Variants in TDRD7 observed in about 807,000 individuals in gnomAD.
The protein encoded by TDRD7 is tudor domain-containing protein 7.
Under a neutral mutation model 109.8 loss-of-function variants are expected in TDRD7, and 47 were observed. The observed-to-expected ratio is 0.43, with a 90% CI of 0.34 to 0.55. TDRD7 has a LOEUF of 0.55. Among genes scored for constraint, TDRD7 ranks in the 20% least tolerant of loss-of-function variants. The pLI is 0.03. For synonymous variants in TDRD7, 424 were observed against 457.3 expected (o/e 0.93, Z 0.93); for missense variants, 1,164 against 1,319.2 (o/e 0.88, Z 1.82).
chr9:97,465,755 G>A (rs1828812916), intron 8 of TDRD7, among the ~76,000 whole-genome samples: 1 of 152,138 alleles, frequency 6.6e-6, no homozygotes, highest in African/African-American at 2.4e-5. Flanking sequence ...GGTGGAAGCT[G>A]TGTGTCTATT....
At chr9:97,432,919 T>A (rs1828130134) in intron 4 of TDRD7, among the ~76,000 whole-genome samples, 1 of 152,212 alleles carries the variant, frequency 6.6e-6, no homozygotes, top group Non-Finnish European at 1.5e-5. Flanking sequence ...ATGGCCATTT[T>A]GCTTTGTTTG....
At chr9:97,465,582 A>G (rs1828810119) in intron 8 of TDRD7, among the ~76,000 whole-genome samples, 1 of 152,204 alleles carries the variant, frequency 6.6e-6, no homozygotes, top group East Asian at 1.9e-4. Context: ...TTGCCTCTTC[A>G]TACTGTCAAT....
At chr9:97,451,743 G>C (rs559269984) in intron 6 of TDRD7, among the ~76,000 whole-genome samples, 1 of 152,252 alleles carries the variant, frequency 6.6e-6, no homozygotes, top group South Asian at 2.1e-4. Context: ...TGTCTGAAGA[G>C]GAGACAGTCT....
intron 16 of TDRD7, among the ~76,000 whole-genome samples, chr9:97,491,443 C>T (rs1326389826): frequency 1.3e-5 from 2 of 152,102 alleles, no homozygotes; most frequent in Non-Finnish European, 2.9e-5. Context: ...TTTTTCCTTC[C>T]ATATCACTTG....
chr9:97,441,919 C>T (rs1482800912), intron 6 of TDRD7, 44 bp downstream of exon 6: 2 of 1,527,864 alleles, frequency 1.3e-6, no homozygotes, highest in South Asian at 1.1e-5. Flanking sequence ...TCCTCCCTGC[C>T]CAACTTTGAG....
At chr9:97,473,455 T>C in intron 10 of TDRD7, 37 bp from the exon 11 acceptor site, 1 of 1,612,998 alleles carries the variant, frequency 6.2e-7, no homozygotes, top group Non-Finnish European at 8.5e-7. Flanking sequence ...TGCATTCTGC[T>C]CTCAAGCATT....
chr9:97,456,989 C>G (rs1360360719), intron 6 of TDRD7, among the ~76,000 whole-genome samples: 1 of 151,932 alleles, frequency 6.6e-6, no homozygotes, highest in Non-Finnish European at 1.5e-5. Context: ...AAAAACAACC[C>G]CATCAAAAAG....
In TDRD7 at chr9:97,476,863, ATTGAT is replaced by A. The variant is rs1002807822; in HGVS notation, c.2166+1397_2166+1401del. Among the ~76,000 whole-genome samples, 4 of 152,252 alleles carry A rather than the reference ATTGAT, an allele frequency of 2.6e-5. No homozygotes were observed. The South Asian group carries it at 8.3e-4, about 32-fold the overall frequency. On this transcript the variant is annotated intron_variant, in intron 12 of 16. Transcript: ENST00000355295. ...AGCAACATTTTGATAACTTAATTGA[ATTGAT>A]TTTTTTCATTATTTAAATAAAACTT... is the stretch of plus-strand genomic sequence containing the variant.
At chr9:97,429,508 G>A (rs1386454705) in intron 2 of TDRD7, among the ~76,000 whole-genome samples, 1 of 152,202 alleles carries the variant, frequency 6.6e-6, no homozygotes. Flanking sequence ...TTTCTATATG[G>A]GGGGATGAGG....
chr9:97,442,903 C>T (rs959876717), intron 6 of TDRD7, among the ~76,000 whole-genome samples: 2 of 152,068 alleles, frequency 1.3e-5, no homozygotes, highest in Non-Finnish European at 2.9e-5. Flanking sequence ...TCAGGTGGTT[C>T]TCCTGCCTCA....
chr9:97,447,560 A>C (rs1440239930), intron 6 of TDRD7, among the ~76,000 whole-genome samples: 2 of 152,214 alleles, frequency 1.3e-5, no homozygotes, highest in Non-Finnish European at 2.9e-5. Context: ...AAAGCTAAAG[A>C]GGGAAAAACA....
intron 4 of TDRD7, among the ~76,000 whole-genome samples, chr9:97,435,397 A>G (rs1223855176): frequency 6.6e-6 from 1 of 151,676 alleles, no homozygotes; most frequent in East Asian, 1.9e-4. Flanking sequence ...TAGGAGGCTG[A>G]CGCAGGAGGA....
chr9:97,460,632 T>A lies in TDRD7; in HGVS notation c.1310T>A (p.Val437Glu). 1 of 1,614,182 alleles carries A rather than the reference T, an allele frequency of 6.2e-7. No homozygotes were observed. The highest frequency in any genetic ancestry group is 8.5e-7 in the Non-Finnish European group (1 of 1,180,016). ...ATGGTTGAACAAGAGTATTTGCAGG[T>A]AGAAGAAAGCATTGCTGAAAGTGCT... Reference protein sequence around the residue: ...KAMVEQEYLQVEESIAESANT... With the variant: ...KAMVEQEYLQEEESIAESANT... The change falls in exon 7 of 17, where the codon GTA becomes GAA. Residue 437 changes from valine to glutamate, a missense_variant. Transcript: ENST00000355295.
Position 97,460,262 on chromosome 9 carries a change from G to A in TDRD7, c.940G>A (p.Glu314Lys), listed in dbSNP as rs1364851607. 1 of 1,614,214 alleles carries A rather than the reference G, an allele frequency of 6.2e-7. No individual in the cohort carries two copies. The highest frequency in any genetic ancestry group is 1.1e-5 in the South Asian group (1 of 91,084). Residue 314 changes from glutamate to lysine, a missense_variant, in exon 7 of 17, where the codon GAG becomes AAG. This residue lies in a region of TDRD7 where 407 missense variants were observed against 394.0 expected (regional missense o/e 1.03). Coordinates refer to ENST00000355295, the MANE Select transcript of TDRD7 (RefSeq NM_014290.3). ...GCTTTTGAGAAGTGAACTGGATACTGAGAAAGTACCTCTATCCCCACTACC... is the reference window on the plus strand; with the variant it reads ...GCTTTTGAGAAGTGAACTGGATACTAAGAAAGTACCTCTATCCCCACTACC... ...KQLLRSELDT[E>K]KVPLSPLPGP...
intron 13 of TDRD7, chr9:97,480,612 C>T: frequency 1.8e-6 from 1 of 549,126 alleles, no homozygotes; most frequent in East Asian, 3.5e-5. Context: ...GGGGGTAAGC[C>T]CTGGCTCATA....
chr9:97,485,592 T>G (rs373149924), intron 15 of TDRD7, among the ~76,000 whole-genome samples: 3 of 152,216 alleles, frequency 2.0e-5, no homozygotes, highest in East Asian at 3.8e-4. Flanking sequence ...ACACCGAAAG[T>G]GTTTCCACCT....
intron 1 of TDRD7, among the ~76,000 whole-genome samples, chr9:97,424,719 C>G (rs967145547): frequency 6.6e-6 from 1 of 151,986 alleles, no homozygotes; most frequent in Non-Finnish European, 1.5e-5. Context: ...GTAAGTCTTG[C>G]TTTTTTATCC....
intron 6 of TDRD7, 38 bp downstream of exon 6, chr9:97,441,913 C>T: frequency 6.5e-7 from 1 of 1,548,156 alleles, no homozygotes; most frequent in Non-Finnish European, 8.9e-7. Context: ...GATACCTCCT[C>T]CCTGCCCAAC....
intron 6 of TDRD7, among the ~76,000 whole-genome samples, chr9:97,442,429 T>C (rs959333773): frequency 6.6e-6 from 1 of 152,214 alleles, no homozygotes; most frequent in Non-Finnish European, 1.5e-5. Context: ...AAAAATGATT[T>C]ATCAATTTCC....
Sources: allele counts gnomAD v4.1 joint callset (sites outside exome capture counted in the v4.1 genomes callset), GRCh38; gene constraint gnomAD v4.1.1; regional missense constraint gnomAD v4.1.1; transcripts MANE v1.5; gene names NCBI Gene and HGNC (gene_info 2026-07-23, HGNC 2026-07-21).